DCAF6: variants seen among roughly 807,000 people sequenced by gnomAD.
DCAF6 encodes the protein DDB1- and CUL4-associated factor 6.
A neutral mutation model predicts 125.1 loss-of-function variants in DCAF6; 54 were observed. The ratio of observed to expected loss-of-function variants is 0.43; its 90% CI spans 0.35 to 0.54. DCAF6 has a LOEUF of 0.54. Ranked by LOEUF, DCAF6 falls within the 20% of genes least tolerant of loss-of-function variation. The pLI is 0.01. For synonymous variants in DCAF6, 371 were observed against 390.4 expected, an observed-to-expected ratio of 0.95 and a Z score of 0.58; for missense variants, 934 against 1,161.7, an observed-to-expected ratio of 0.80 and a Z score of 2.85.
the DCAF6 span, chr1:167,916,749 C>G: frequency 2.0e-5 from 3 of 152,156 alleles, no homozygotes; most frequent in Non-Finnish European, 2.9e-5. Flanking sequence ...TTTTAATAAA[C>G]TTTTTTGTGT....
At chr1:168,008,689 G>A (rs374506029) in intron 10 of DCAF6, among the ~76,000 whole-genome samples, 5 of 152,102 alleles carry the variant, frequency 3.3e-5, no homozygotes, top group South Asian at 2.1e-4. Context: ...CACTGTGGAC[G>A]TATAAGAATT....
At chr1:167,925,470 T>TATATATATATATATAC in the DCAF6 span, among the ~76,000 whole-genome samples, 6 of 107,766 alleles carry the variant, frequency 5.6e-5, no homozygotes, top group East Asian at 1.4e-3. Context: ...TATATATATA[T>TATATATATATATATAC]ATATACATAT....
the DCAF6 span, among the ~76,000 whole-genome samples, chr1:167,869,702 G>A: frequency 1.9e-4 from 29 of 152,252 alleles, 1 homozygote; most frequent in South Asian, 4.6e-3. Context: ...CCCCTGTCAC[G>A]TACCCCCTGG....
chr1:168,023,058 C>T lies in DCAF6; in HGVS notation c.1609+11C>T. 1 of 1,613,974 alleles carries T rather than the reference C, an allele frequency of 6.2e-7. No individual in the cohort carries two copies. The highest frequency in any genetic ancestry group is 8.5e-7 in the Non-Finnish European group (1 of 1,179,862). ...TTGACGAGCAACAGGGTGCGTGCAACAGGAGATGCGCTATGCCCATCCATC... is the reference window on the plus strand; with the variant it reads ...TTGACGAGCAACAGGGTGCGTGCAATAGGAGATGCGCTATGCCCATCCATC... On this transcript the variant is annotated intron_variant, in intron 12 of 21. Transcript: ENST00000367840.
intron 5 of DCAF6, among the ~76,000 whole-genome samples, chr1:167,989,396 T>G (rs976877803): frequency 6.6e-6 from 1 of 152,216 alleles, no homozygotes; most frequent in African/African-American, 2.4e-5. Flanking sequence ...TAGTCTTTCC[T>G]TAGTAAAACT....
rs187461288 is a variant in DCAF6, at chr1:168,050,141, C to G, written c.2259-751C>G. Among the ~76,000 whole-genome samples the G allele has an allele frequency of 5.3e-5, 8 of 151,140 alleles. No individual in the cohort carries two copies. The East Asian group carries it at 1.6e-3, about 29-fold the overall frequency. ...AGTCTTGAATAGTTTTTAATTATAG[C>G]CTCAGTTAGGATGATCTAACAATTT... On this transcript the variant is annotated intron_variant, in intron 16 of 21. Coordinates refer to ENST00000367840, the MANE Select transcript of DCAF6 (RefSeq NM_001198956.2).
the DCAF6 span, among the ~76,000 whole-genome samples, chr1:167,895,109 G>A: frequency 4.0e-4 from 61 of 151,574 alleles, no homozygotes; most frequent in South Asian, 0.011. Flanking sequence ...TTGAACCCGG[G>A]AGGCAGAGGT....
intron 4 of DCAF6, among the ~76,000 whole-genome samples, chr1:167,984,916 T>C (rs1679726204): frequency 6.6e-6 from 1 of 152,174 alleles, no homozygotes; most frequent in Non-Finnish European, 1.5e-5. Flanking sequence ...TTATTGGACT[T>C]ACAGTTCTGT....
At chr1:167,918,103 G>A in the DCAF6 span, 103 of 439,380 alleles carry the variant, frequency 2.3e-4, no homozygotes, top group Non-Finnish European at 3.6e-4. Flanking sequence ...ACGGACAAAT[G>A]GTAGAAAAAT....
chr1:167,866,854 A>T, the DCAF6 span, among the ~76,000 whole-genome samples: 1 of 151,978 alleles, frequency 6.6e-6, no homozygotes, highest in Non-Finnish European at 1.5e-5. Context: ...CCTATCTCTC[A>T]AAACAACTAG....
chr1:167,869,453 T>C, the DCAF6 span, among the ~76,000 whole-genome samples: 1 of 152,104 alleles, frequency 6.6e-6, no homozygotes, highest in African/African-American at 2.4e-5. Context: ...CCCTCTCATA[T>C]TGTTTTATAT....
chr1:167,872,188 AT>A, the DCAF6 span, among the ~76,000 whole-genome samples: 1 of 152,062 alleles, frequency 6.6e-6, no homozygotes, highest in African/African-American at 2.4e-5. Context: ...AAAATACAAA[AT>A]TAGCCGGGCG....
chr1:167,873,549 G>A, the DCAF6 span, among the ~76,000 whole-genome samples: 1 of 152,146 alleles, frequency 6.6e-6, no homozygotes, highest in Non-Finnish European at 1.5e-5. Flanking sequence ...ACTAGAAGTG[G>A]CTGCCTTCAG....
chr1:168,069,332 CAA>C (rs1382590295), intron 21 of DCAF6, among the ~76,000 whole-genome samples: 1 of 152,168 alleles, frequency 6.6e-6, no homozygotes, highest in Non-Finnish European at 1.5e-5. Context: ...GATCTAATCT[CAA>C]ACTATTCTAG....
At chr1:167,966,565 T>A in intron 2 of DCAF6, 64 bp from the exon 3 acceptor site, 1 of 1,065,030 alleles carries the variant, frequency 9.4e-7, no homozygotes, top group African/African-American at 1.6e-5. Flanking sequence ...GCCAGGTGAG[T>A]GAAAGATGGC....
intron 12 of DCAF6, among the ~76,000 whole-genome samples, chr1:168,025,350 A>G (rs532507186): frequency 2.8e-4 from 43 of 152,292 alleles, no homozygotes; most frequent in African/African-American, 1.0e-3. Context: ...TAGCTTGGAA[A>G]TAGAAATCAG....
At chr1:167,891,800 G>A in the DCAF6 span, among the ~76,000 whole-genome samples, 3 of 152,112 alleles carry the variant, frequency 2.0e-5, no homozygotes, top group Non-Finnish European at 4.4e-5. Flanking sequence ...AGAAGTGTCA[G>A]ATTCTTCAAC....
intron 17 of DCAF6, among the ~76,000 whole-genome samples, chr1:168,063,029 AG>A (rs1026186142): frequency 6.6e-6 from 1 of 151,076 alleles, no homozygotes; most frequent in Non-Finnish European, 1.5e-5. Flanking sequence ...CTCCTGCCTC[AG>A]CCTCCCGAGT....
intron 3 of DCAF6, chr1:167,968,575 C>T (rs778466242): frequency 2.6e-5 from 4 of 152,380 alleles, no homozygotes; most frequent in Non-Finnish European, 5.9e-5. Flanking sequence ...GGAAATGAGG[C>T]AGGAGAAGCT....
Sources: allele counts gnomAD v4.1 joint callset (sites outside exome capture counted in the v4.1 genomes callset), GRCh38; gene constraint gnomAD v4.1.1; transcripts MANE v1.5; gene names NCBI Gene and HGNC (gene_info 2026-07-23, HGNC 2026-07-21).